CCDC169: variants seen among roughly 807,000 people sequenced by gnomAD.
The protein encoded by CCDC169 is coiled-coil domain containing 169.
Under a neutral mutation model 36.0 loss-of-function variants are expected in CCDC169, and 30 were observed. The observed-to-expected ratio is 0.83, with a 90% confidence interval of 0.62 to 1.13. The LOEUF is 1.13. CCDC169 is among the 50% of genes most tolerant of loss of function. The pLI, the probability that CCDC169 is intolerant of heterozygous loss-of-function variation, is 0.00. For missense variants in CCDC169, 245 were observed against 245.9 expected, an observed-to-expected ratio of 1.00 and a Z score of 0.03; for synonymous variants, 85 against 81.5, an observed-to-expected ratio of 1.04 and a Z score of -0.23.
rs186839821 is a variant in CCDC169, at chr13:36,292,090, C to T, written c.163+3688G>A. On this transcript the variant is annotated intron_variant, in intron 2 of 7. Transcript: ENST00000239859. ...TGCAACCTCTACCTCCCGGTTCAAT[C>T]GATTCTCCTGCCTCAGCCTCCAGAG... Among the ~76,000 whole-genome samples, 1,211 of 151,212 alleles carry T rather than the reference C, an allele frequency of 8.0e-3. 16 individuals carry two copies. The highest frequency in any genetic ancestry group is 0.028 in the African/African-American group (1,167 of 41,180).
chr13:36,258,343 C>T (rs1418811626), intron 4 of CCDC169, among the ~76,000 whole-genome samples: 1 of 152,030 alleles, frequency 6.6e-6, no homozygotes, highest in Admixed American at 6.5e-5. Context: ...TGAATAGAGG[C>T]TAGGTAAAAT....
chr13:36,246,728 A>G (rs2138442295), intron 7 of CCDC169, among the ~76,000 whole-genome samples: 1 of 152,340 alleles, frequency 6.6e-6, no homozygotes, highest in East Asian at 1.9e-4. Context: ...AGGTGATTAC[A>G]CTAACCAACA....
downstream of CCDC169, chr13:36,225,950 G>T (rs1869853305): frequency 6.6e-6 from 1 of 152,194 alleles, no homozygotes; most frequent in Non-Finnish European, 1.5e-5. Context: ...AGATGCTGGT[G>T]AGACTGTGGA....
At chr13:36,246,536 T>C (rs2138441394) in intron 7 of CCDC169, among the ~76,000 whole-genome samples, 1 of 152,330 alleles carries the variant, frequency 6.6e-6, no homozygotes, top group Admixed American at 6.5e-5. Context: ...GAAGAAAAGC[T>C]GGAAGCCAGC....
chr13:36,231,314 C>T, intron 7 of CCDC169, 22 bp from the exon 8 acceptor site: 1 of 1,549,116 alleles, frequency 6.5e-7, no homozygotes. Flanking sequence ...AAGTGTTAAT[C>T]ATAATTTTTC....
At chr13:36,239,930 T>G (rs1340672542) in intron 7 of CCDC169, among the ~76,000 whole-genome samples, 23 of 152,176 alleles carry the variant, frequency 1.5e-4, no homozygotes, top group Admixed American at 1.4e-3. Flanking sequence ...TTCATATAAC[T>G]TTTATTACAG....
intron 7 of CCDC169, among the ~76,000 whole-genome samples, chr13:36,246,874 T>C (rs1219098250): frequency 6.6e-6 from 1 of 152,112 alleles, no homozygotes; most frequent in South Asian, 2.1e-4. Flanking sequence ...CCACAGTCCA[T>C]GTGACTTTTA....
chr13:36,257,268 C>T (rs996887799), intron 4 of CCDC169, among the ~76,000 whole-genome samples: 1 of 152,190 alleles, frequency 6.6e-6, no homozygotes, highest in Admixed American at 6.5e-5. Context: ...TACAGCACAG[C>T]TAGAAGGTCA....
chr13:36,235,295 T>C (rs1870938393), intron 7 of CCDC169, among the ~76,000 whole-genome samples: 2 of 151,912 alleles, frequency 1.3e-5, no homozygotes. Context: ...AAAAATGAAA[T>C]AGGAGAGAAC....
rs745958593 is a variant in CCDC169 at position 36,248,701 on chromosome 13, A to C, written c.469-19T>G. ...CAGAACCCTGAAATACAAAAATTTG[A>C]GTGTTTATCCCCTTGGTTCATAATT... On this transcript the variant is annotated intron_variant, in intron 6 of 7. Coordinates refer to ENST00000239859, the MANE Select transcript of CCDC169 (RefSeq NM_001144981.3). 6.5e-7 allele frequency: 1 copy of C among 1,547,260 alleles called. No individual in the cohort carries two copies. The highest frequency in any genetic ancestry group is 1.2e-5 in the South Asian group (1 of 83,824).
chr13:36,270,941 A>G (rs1337989374), intron 4 of CCDC169, among the ~76,000 whole-genome samples: 5 of 152,188 alleles, frequency 3.3e-5, no homozygotes, highest in Non-Finnish European at 5.9e-5. Context: ...TTAAACTAAA[A>G]AGCTTCTGCA....
chr13:36,238,854 A>G (rs955832101), intron 7 of CCDC169, among the ~76,000 whole-genome samples: 2 of 152,186 alleles, frequency 1.3e-5, no homozygotes, highest in African/African-American at 4.8e-5. Context: ...TAGTGGATTG[A>G]TTTACTGAAT....
chr13:36,280,376 T>C (rs1283172337), intron 4 of CCDC169: 1 of 152,182 alleles, frequency 6.6e-6, no homozygotes, highest in Non-Finnish European at 1.5e-5. Flanking sequence ...ATACACTCTG[T>C]GGGTTTCAAC....
intron 7 of CCDC169, among the ~76,000 whole-genome samples, chr13:36,237,044 T>C (rs1871166366): frequency 6.7e-6 from 1 of 150,122 alleles, no homozygotes; most frequent in African/African-American, 2.4e-5. Flanking sequence ...CTTTGTTGGG[T>C]TTTTAAAAAT....
chr13:36,293,180 A>C (rs1879115072), intron 2 of CCDC169, among the ~76,000 whole-genome samples: 1 of 152,220 alleles, frequency 6.6e-6, no homozygotes. Flanking sequence ...GCATATTTCC[A>C]GTAATAAATT....
chr13:36,237,177 C>G (rs548484702), intron 7 of CCDC169, among the ~76,000 whole-genome samples: 7 of 151,926 alleles, frequency 4.6e-5, no homozygotes, highest in Non-Finnish European at 7.4e-5. Context: ...AAATGGCCAA[C>G]AAGTACAAGA....
At chr13:36,286,331 A>G (rs2138625825) in intron 2 of CCDC169, among the ~76,000 whole-genome samples, 1 of 152,284 alleles carries the variant, frequency 6.6e-6, no homozygotes, top group African/African-American at 2.4e-5. Context: ...GTCAGAGTGT[A>G]CCCAACCACC....
chr13:36,226,985 C>A, downstream of CCDC169: 1 of 426,232 alleles, frequency 2.3e-6, no homozygotes, highest in Non-Finnish European at 4.1e-6. Flanking sequence ...AAATAAAATC[C>A]TTATCTCTCA....
At position 36,283,699 on chromosome 13, in the gene CCDC169, C is replaced by G. The variant is rs762711678; in HGVS notation, c.167G>C (p.Ser56Thr). The G allele has an allele frequency of 4.5e-6, 7 of 1,549,078 alleles. No individual in the cohort carries two copies. The highest frequency in any genetic ancestry group is 6.1e-6 in the Non-Finnish European group (7 of 1,145,776). Residue 56 changes from serine (S) to threonine (T), a missense_variant, in exon 3 of 8, where the codon AGT becomes ACT. By Grantham distance (58) the Ser-to-Thr change is moderately conservative. Coordinates refer to ENST00000239859, the MANE Select transcript of CCDC169 (RefSeq NM_001144981.3). The stretch of plus-strand genomic sequence containing the variant: ...TGTCTCATAACGGGTTTTCCATTCA[C>G]TACCTGAGTAAAAACAGGGAGAAAC... ...EAKLNTDNEG[S>T]EWKTRYETQL...
Sources: gnomAD v4.1 joint callset for allele counts (sites outside exome capture counted in the v4.1 genomes callset) on GRCh38, gnomAD v4.1.1 for gene constraint, MANE v1.5 for transcripts, NCBI Gene and HGNC (gene_info 2026-07-23, HGNC 2026-07-21) for gene names.